The following VPS13C variants were observed in gnomAD, a reference collection of about 807,000 sequenced individuals.
VPS13C encodes intermembrane lipid transfer protein VPS13C.
In VPS13C, 358 loss-of-function variants were observed where a neutral mutation model predicts 456.8. The observed-to-expected ratio is 0.78, with a 90% CI of 0.72 to 0.86. The LOEUF (loss-of-function observed/expected upper bound fraction) is 0.86. Ranked by LOEUF, VPS13C falls within the 40% of genes least tolerant of loss-of-function variation. VPS13C has a pLI of 0.00. For synonymous variants in VPS13C, 1,578 were observed against 1,486.7 expected (o/e 1.06, Z -1.41); for missense variants, 4,818 against 4,385.4 (o/e 1.10, Z -2.79).
chr15:62,015,892 C>T (rs1448763888), intron 9 of VPS13C, among the ~76,000 whole-genome samples: 1 of 135,356 alleles, frequency 7.4e-6, no homozygotes, highest in African/African-American at 2.7e-5. Context: ...ATGTAACTAA[C>T]CTGCACAATG....
At chr15:62,015,448 G>C (rs1277805117) in intron 9 of VPS13C, among the ~76,000 whole-genome samples, 2 of 151,844 alleles carry the variant, frequency 1.3e-5, no homozygotes, top group Non-Finnish European at 2.9e-5. Flanking sequence ...GTCCTGAATG[G>C]TAATGCCTAG....
rs763638327 is a variant in VPS13C, at chr15:61,951,847, C to G, written c.4433G>C (p.Ser1478Thr). The G allele has an allele frequency of 1.9e-6, 3 of 1,611,790 alleles. No homozygotes were observed. The African/African-American group carries it at 4.0e-5, about 22-fold the overall frequency. The change falls in exon 39 of 85, where the codon AGT (serine) becomes ACT (threonine). Residue 1478 changes from serine (S) to threonine (T), a missense_variant. Coordinates refer to ENST00000644861, the MANE Select transcript of VPS13C (RefSeq NM_020821.3). ...MTAKAYLKKI[S>T]MQCFDFTDSK... ...ACCAGTGAAATCAAAGCACTGCATA[C>G]TAATTTTTTTTAGATAAGCTTTAGC...
At chr15:62,007,611 C>A in intron 14 of VPS13C, 132 bp from the exon 15 acceptor site, 2 of 700,808 alleles carry the variant, frequency 2.9e-6, no homozygotes, top group Non-Finnish European at 4.2e-6. Flanking sequence ...AAGAGCTCAG[C>A]AATTCCCAGT....
intron 68 of VPS13C, among the ~76,000 whole-genome samples, chr15:61,883,878 T>C (rs1896063405): frequency 6.6e-6 from 1 of 151,836 alleles, no homozygotes; most frequent in Non-Finnish European, 1.5e-5. Context: ...AATATAAAAA[T>C]GTAATAAAAT....
intron 9 of VPS13C, among the ~76,000 whole-genome samples, chr15:62,016,261 T>C (rs2047243397): frequency 6.6e-6 from 1 of 150,770 alleles, no homozygotes; most frequent in African/African-American, 2.4e-5. Flanking sequence ...TCCTTAACTT[T>C]ATTTTATATA....
intron 22 of VPS13C, 87 bp from the exon 23 acceptor site, chr15:61,978,836 T>A: frequency 7.4e-7 from 1 of 1,357,744 alleles, no homozygotes; most frequent in Non-Finnish European, 9.8e-7. Context: ...CAGTCTTGCA[T>A]TTAGTTAGTT....
chr15:61,910,159 T>A lies in VPS13C; in HGVS notation c.8844+18A>T, dbSNP rs771615576. ...TAAATAAATAAAAATAAAAATAAAA[T>A]AAAATATGAAAACTTACCAGATCTT... On this transcript the variant is annotated intron_variant, in intron 64 of 84. Coordinates refer to ENST00000644861, the MANE Select transcript of VPS13C (RefSeq NM_020821.3). 12 of 1,246,720 alleles carry A rather than the reference T, an allele frequency of 9.6e-6. No individual in the cohort carries two copies. In the Admixed American group the frequency reaches 4.2e-4, roughly 43 times the overall value. The allele number at this position is 1,246,720 out of a possible 1,614,324, so 77.2% of individuals were successfully genotyped here. A position where few individuals can be genotyped will look rare whatever the true frequency, so the allele number is the denominator to read the frequency against.
Position 62,007,344 on chromosome 15 carries a change from C to G in VPS13C, c.1254G>C (p.Gln418His), listed in dbSNP as rs2046887109. The change falls in exon 15 of 85, where the codon CAG becomes CAC. Residue 418 changes from glutamine to histidine, a missense_variant. This residue lies in a region of VPS13C where 4,552 missense variants were observed against 4,130.6 expected (regional missense o/e 1.10). Coordinates refer to ENST00000644861, the MANE Select transcript of VPS13C (RefSeq NM_020821.3). ...TCTGTATTTCTTCTGAGACTTTAGACTGTGTTAACTTGTTTTTGTAGGCAA... is the reference window on the plus strand; with the variant it reads ...TCTGTATTTCTTCTGAGACTTTAGAGTGTGTTAACTTGTTTTTGTAGGCAA... Reference protein sequence around the residue: ...YKIAYKNKLTQSKVSEEIQKE... With the variant: ...YKIAYKNKLTHSKVSEEIQKE... 1 of 1,610,442 alleles carries G rather than the reference C, an allele frequency of 6.2e-7. No individual in the cohort carries two copies. Among genetic ancestry groups the G allele is most frequent in the Admixed American group, 1.7e-5 (1 of 59,492 alleles).
Position 61,951,809 on chromosome 15 carries a change from A to AT in VPS13C, c.4456+14dup. 6.2e-7 allele frequency: 1 copy of AT among 1,601,986 alleles called. No individual in the cohort carries two copies. Among genetic ancestry groups the AT allele is most frequent in the Non-Finnish European group, 8.5e-7 (1 of 1,173,784 alleles). ...GCCTAATGAATAATTTACACAGACA[A>AT]TATTTCACACTTACCAGTGAAATCA... On this transcript the variant is annotated intron_variant, in intron 39 of 84. Transcript: ENST00000644861.
intron 48 of VPS13C, 33 bp from the exon 49 acceptor site, chr15:61,934,364 G>C (rs1329518334): frequency 8.3e-7 from 1 of 1,199,746 alleles, no homozygotes; most frequent in Non-Finnish European, 1.1e-6. Context: ...TTTTAAGTAG[G>C]TACGTAATTT....
At position 62,016,255 on chromosome 15, in the gene VPS13C, T is replaced by C. The variant is rs1212873883; in HGVS notation, c.685-2263A>G. On this transcript the variant is annotated intron_variant, in intron 9 of 84. Coordinates refer to ENST00000644861, the MANE Select transcript of VPS13C (RefSeq NM_020821.3). The stretch of plus-strand genomic sequence containing the variant: ...GGTATGATATATGGTTCACTGTCCT[T>C]AACTTTATTTTATATATATATATAT... Among the ~76,000 whole-genome samples, 2 of 150,868 alleles carry C rather than the reference T, an allele frequency of 1.3e-5. 1 individual carries two copies. The highest frequency in any genetic ancestry group is 3.0e-5 in the Non-Finnish European group (2 of 67,722).
Position 61,884,128 on chromosome 15 carries a change from C to T in VPS13C, c.9483G>A (p.Glu3161=). The T allele has an allele frequency of 1.9e-6, 3 of 1,566,314 alleles. No individual in the cohort carries two copies. Among genetic ancestry groups the T allele is most frequent in the African/African-American group, 1.4e-5 (1 of 71,796 alleles). ...HGWIKLDNNF[E]VNFDKDPMEM... is the part of the protein sequence containing the mutation. ...TCAAAACAAAAGAATTTTGGTATAC[C>T]TCAAAATTATTATCTAGCTTAATCC... is the stretch of plus-strand genomic sequence containing the variant. Residue 3161 remains glutamate (E), a splice_region_variant and synonymous_variant, in exon 68 of 85, where the codon GAG becomes GAA. Transcript: ENST00000644861.
intron 79 of VPS13C, 33 bp from the exon 80 acceptor site, chr15:61,869,656 G>C: frequency 6.2e-7 from 1 of 1,612,270 alleles, no homozygotes; most frequent in Non-Finnish European, 8.5e-7. Flanking sequence ...AATGGATAAA[G>C]ATATTTTTAA....
rs1337332967 is a variant in VPS13C at position 62,037,202 on chromosome 15, AATAT to A, written c.188-2154_188-2151del. 4.6e-5 allele frequency among the ~76,000 whole-genome samples: 5 copies of A among 108,902 alleles called. No homozygotes were observed. In the East Asian group the frequency reaches 1.2e-3, roughly 25 times the overall value. 71.4% of individuals were successfully genotyped at this position (108,902 alleles called of 152,430 possible). A position where few individuals can be genotyped will look rare whatever the true frequency, so the allele number is the denominator to read the frequency against. ...ATATAAATATAAATATAATAAATAT[AATAT>A]ATAAATATATTATATAATATATTAT... On this transcript the variant is annotated intron_variant, in intron 3 of 84. Transcript: ENST00000644861.
chr15:61,919,325 T>C lies in VPS13C; in HGVS notation c.7602A>G (p.Glu2534=). 1 of 1,607,504 alleles carries C rather than the reference T, an allele frequency of 6.2e-7. No homozygotes were observed. ...DSVLVQIDAT[E]GNKVITLRSP... The stretch of plus-strand genomic sequence containing the variant: ...AGCGAAGGGTAATTACTTTATTCCC[T>C]TCAGTTGCATCAATTTGTACCAAGA... The change falls in exon 58 of 85, where the codon GAA becomes GAG. Residue 2534 remains glutamate (E), a synonymous_variant. Transcript: ENST00000644861.
rs2044445229 is a variant in VPS13C, at chr15:61,942,055, T to G, written c.5161A>C (p.Asn1721His). ...FFMSLLNFLNNFQTAKEALST... is the reference protein window; with the variant it reads ...FFMSLLNFLNHFQTAKEALST... ...AAAGCTTCTTTAGCAGTTTGGAAAT[T>G]GTTGAGGAAGTTCTGTTGGAAGAGA... is the stretch of plus-strand genomic sequence containing the variant. The change falls in exon 46 of 85, where the codon AAT becomes CAT. Residue 1721 changes from asparagine (N) to histidine (H), a missense_variant. Physicochemically the swap from Asn to His is moderately conservative, Grantham distance 68. Coordinates refer to ENST00000644861, the MANE Select transcript of VPS13C (RefSeq NM_020821.3). 2 of 1,584,082 alleles carry G rather than the reference T, an allele frequency of 1.3e-6. No individual in the cohort carries two copies. The highest frequency in any genetic ancestry group is 4.5e-5 in the East Asian group (2 of 44,574).
At chr15:62,026,771 G>T (rs1004232195) in intron 6 of VPS13C, among the ~76,000 whole-genome samples, 2 of 152,018 alleles carry the variant, frequency 1.3e-5, no homozygotes, top group Non-Finnish European at 2.9e-5. Context: ...ATGCTCAAGG[G>T]TTGAAGTTTA....
At chr15:61,955,340 C>T (rs1432386304) in intron 37 of VPS13C, among the ~76,000 whole-genome samples, 3 of 152,094 alleles carry the variant, frequency 2.0e-5, no homozygotes. Context: ...TGCTCAGTGT[C>T]GCACAAATGG....
rs778240370 is a variant in VPS13C, at chr15:61,964,715, A to T, written c.3198T>A (p.Asn1066Lys). ...VQISTEKQQK[N>K]STLPKAIVSS... ...GTTTCATACCTTTTGGCAGAGTTGA[A>T]TTTTTTTGTTGTTTTTCAGTTGAAA... The change falls in exon 31 of 85, where the codon AAT (asparagine) becomes AAA (lysine). Residue 1066 changes from asparagine to lysine, a missense_variant. This residue lies in a region of VPS13C where 4,552 missense variants were observed against 4,130.6 expected (regional missense o/e 1.10). Coordinates refer to ENST00000644861, the MANE Select transcript of VPS13C (RefSeq NM_020821.3). The T allele has an allele frequency of 1.1e-5, 17 of 1,600,946 alleles. No homozygotes were observed. Among genetic ancestry groups the T allele is most frequent in the Non-Finnish European group, 1.4e-5 (16 of 1,175,982 alleles).
Sources: allele counts gnomAD v4.1 joint callset (sites outside exome capture counted in the v4.1 genomes callset), GRCh38; gene constraint gnomAD v4.1.1; regional missense constraint gnomAD v4.1.1; transcripts MANE v1.5; gene names NCBI Gene and HGNC (gene_info 2026-07-23, HGNC 2026-07-21).